CRAMP1: variants seen among roughly 807,000 people sequenced by gnomAD.
CRAMP1 encodes protein cramped-like.
Under a neutral mutation model 115.4 loss-of-function variants are expected in CRAMP1, and 50 were observed. The observed-to-expected ratio is 0.43, with a 90% CI of 0.35 to 0.55. The LOEUF (loss-of-function observed/expected upper bound fraction) is 0.55. CRAMP1 is among the 20% of genes least tolerant of loss of function. CRAMP1 has a pLI of 0.01. For synonymous variants in CRAMP1, 866 were observed against 745.4 expected, an observed-to-expected ratio of 1.16 and a Z score of -2.64; for missense variants, 1,679 against 1,721.7, an observed-to-expected ratio of 0.98 and a Z score of 0.44.
intron 10 of CRAMP1, among the ~76,000 whole-genome samples, chr16:1,659,369 T>C (rs2036803625): frequency 6.6e-6 from 1 of 152,166 alleles, no homozygotes; most frequent in East Asian, 1.9e-4. Flanking sequence ...CAGTGACTTT[T>C]ATTGATTGAT....
rs1238184087 is a variant in CRAMP1, at chr16:1,614,029, G to A, written c.-1-610G>A. 5.3e-5 allele frequency among the ~76,000 whole-genome samples: 8 copies of A among 151,134 alleles called. No homozygotes were observed. Among genetic ancestry groups the A allele is most frequent in the African/African-American group, 1.9e-4 (8 of 41,220 alleles). On this transcript the variant is annotated intron_variant, in intron 1 of 20. Transcript: ENST00000397412. The surrounding 1 kb of genome is among the most constrained non-coding windows in gnomAD (Gnocchi z 4.4). ...GCTTCTCCCGTCCCGGGGTGGATCC[G>A]GCCTCCTCTGTCCTCCTCCAGGGCC...
At position 1,670,479 on chromosome 16, in the gene CRAMP1, C is replaced by G. The variant is rs1418696655; in HGVS notation, c.3500-185C>G. ...GGTGCATGTCTGTATGCACGAAGGC[C>G]TGTTAAACGAGAAGAGCTCGTCACG... On this transcript the variant is annotated intron_variant, in intron 19 of 20. Coordinates refer to ENST00000397412, the MANE Select transcript of CRAMP1 (RefSeq NM_020825.4). The G allele has an allele frequency of 4.7e-6, 3 of 644,304 alleles. No individual in the cohort carries two copies. The East Asian group carries it at 7.7e-5, about 17-fold the overall frequency. The allele number at this position is 644,304 out of a possible 1,614,324, so 39.9% of individuals were successfully genotyped here.
intron 4 of CRAMP1, among the ~76,000 whole-genome samples, chr16:1,636,767 C>T (rs781721604): frequency 2.3e-4 from 35 of 152,364 alleles, no homozygotes; most frequent in African/African-American, 3.4e-4. Flanking sequence ...GTGGCAGAGA[C>T]GCCTAGAGGC....
chr16:1,624,467 G>A (rs2036492105), intron 2 of CRAMP1, among the ~76,000 whole-genome samples: 1 of 151,640 alleles, frequency 6.6e-6, no homozygotes, highest in African/African-American at 2.4e-5. Flanking sequence ...AGGCTGGAGT[G>A]CAGTGGTGCG....
chr16:1,668,605 G>A (rs778616495), intron 18 of CRAMP1, among the ~76,000 whole-genome samples: 4 of 152,216 alleles, frequency 2.6e-5, no homozygotes, highest in African/African-American at 4.8e-5. Flanking sequence ...GTGGTTTGTT[G>A]TTCACTGGCG....
chr16:1,666,255 T>C lies in CRAMP1; in HGVS notation c.2857+78T>C. 1 of 1,237,548 alleles carries C rather than the reference T, an allele frequency of 8.1e-7. No individual in the cohort carries two copies. The allele number at this position is 1,237,548 out of a possible 1,614,324, so 76.7% of individuals were successfully genotyped here. A position where few individuals can be genotyped will look rare whatever the true frequency, so the allele number is the denominator to read the frequency against. On this transcript the variant is annotated intron_variant, in intron 15 of 20. Coordinates refer to ENST00000397412, the MANE Select transcript of CRAMP1 (RefSeq NM_020825.4). The surrounding 1 kb of genome is among the most constrained non-coding windows in gnomAD (Gnocchi z 5.0). ...TTTTGTGACCAGGTTTTTTGAATGTTTTCTTCTCCAAATCATAATGTCTCA... is the reference window on the plus strand; with the variant it reads ...TTTTGTGACCAGGTTTTTTGAATGTCTTCTTCTCCAAATCATAATGTCTCA...
intron 13 of CRAMP1, among the ~76,000 whole-genome samples, chr16:1,664,518 C>T (rs147991121): frequency 6.6e-5 from 10 of 152,254 alleles, no homozygotes; most frequent in African/African-American, 1.9e-4. Flanking sequence ...GTGGCTCGCA[C>T]CTGTAATCCC....
rs181423102 is a variant in CRAMP1, at chr16:1,632,396, G to T, written c.694+31G>T. The T allele has an allele frequency of 3.7e-5, 57 of 1,559,614 alleles. No individual in the cohort carries two copies. In the African/African-American group the frequency reaches 6.7e-4, roughly 18 times the overall value. On this transcript the variant is annotated intron_variant, in intron 4 of 20. Transcript: ENST00000397412. ...TGTGCCACGGGCCAGGCTCGGGGGT[G>T]CCCACAGGCAGGGCCGGCTTCTGCT...
At position 1,659,885 on chromosome 16, in the gene CRAMP1, G is replaced by T. The variant is rs2036811016; in HGVS notation, c.2236-1G>T. ...CATTGTTTGGCCCATTTCTGTCCTA[G>T]GCTCTGGAAGCAAACACCATCTCTA... On this transcript the variant is annotated splice_acceptor_variant, in intron 10 of 20. Transcript: ENST00000397412. LOFTEE classifies it high-confidence loss of function. 1 of 1,613,164 alleles carries T rather than the reference G, an allele frequency of 6.2e-7. No homozygotes were observed. The highest frequency in any genetic ancestry group is 1.3e-5 in the African/African-American group (1 of 74,926).
intron 6 of CRAMP1, among the ~76,000 whole-genome samples, chr16:1,648,331 G>A (rs1045200343): frequency 2.6e-5 from 4 of 152,120 alleles, no homozygotes; most frequent in Admixed American, 6.6e-5. Context: ...GACTTGAGCC[G>A]GGTACAGTGG....
intron 11 of CRAMP1, 102 bp from the exon 12 acceptor site, chr16:1,662,388 C>T (rs1397043981): frequency 5.2e-6 from 5 of 955,536 alleles, no homozygotes; most frequent in African/African-American, 1.6e-5. Context: ...AACGGGTTGC[C>T]AAGAGAATGT....
At chr16:1,639,279 G>A (rs1302240831) in intron 5 of CRAMP1, among the ~76,000 whole-genome samples, 3 of 151,978 alleles carry the variant, frequency 2.0e-5, no homozygotes, top group African/African-American at 7.2e-5. Context: ...CAAAGCAAGG[G>A]AAGAATGAAG....
intron 6 of CRAMP1, among the ~76,000 whole-genome samples, chr16:1,651,145 A>C (rs2036718994): frequency 6.6e-6 from 1 of 152,070 alleles, no homozygotes; most frequent in Non-Finnish European, 1.5e-5. Context: ...TTGAGGTCAC[A>C]GAGGTCACGA....
At chr16:1,657,426 C>T (rs1284030360) in intron 10 of CRAMP1, among the ~76,000 whole-genome samples, 1 of 152,154 alleles carries the variant, frequency 6.6e-6, no homozygotes, top group Admixed American at 6.5e-5. Context: ...TGCACAGGAC[C>T]CAGGGTGACA....
At chr16:1,637,573 G>A (rs556218298) in intron 4 of CRAMP1, among the ~76,000 whole-genome samples, 1 of 152,326 alleles carries the variant, frequency 6.6e-6, no homozygotes, top group East Asian at 1.9e-4. Context: ...CTCCTCCAGG[G>A]GACATTTCCT....
At position 1,614,541 on chromosome 16, in the gene CRAMP1, G is replaced by T; in HGVS notation, c.-1-98G>T. 2.8e-6 allele frequency: 2 copies of T among 715,468 alleles called. No individual in the cohort carries two copies. The highest frequency in any genetic ancestry group is 6.7e-5 in the South Asian group (1 of 14,848). 44.3% of individuals were successfully genotyped at this position (715,468 alleles called of 1,614,324 possible). ...GGGCCGAGCCGCCGAGAGGGGATTT[G>T]GAACAAACAACGGCGGCCATGTTGA... On this transcript the variant is annotated intron_variant, in intron 1 of 20. Transcript: ENST00000397412. This position sits in a 1 kb window ranked among gnomAD's most constrained non-coding sequence, Gnocchi z 4.4.
intron 1 of CRAMP1, among the ~76,000 whole-genome samples, chr16:1,613,919 A>G (rs939649016): frequency 3.9e-5 from 6 of 152,092 alleles, no homozygotes; most frequent in African/African-American, 1.2e-4. Flanking sequence ...GGAGCTGATT[A>G]TTCTTTATGT....
intron 6 of CRAMP1, among the ~76,000 whole-genome samples, chr16:1,648,868 C>G (rs2036698882): frequency 6.6e-6 from 1 of 151,968 alleles, no homozygotes; most frequent in Non-Finnish European, 1.5e-5. Flanking sequence ...ACCATCCTGG[C>G]TAACGTGGTG....
chr16:1,641,098 AC>A (rs771284658), intron 5 of CRAMP1, 40 bp from the exon 6 acceptor site: 1 of 1,437,314 alleles, frequency 7.0e-7, no homozygotes. Flanking sequence ...TTTGCTCCTA[AC>A]TACATTGTGG....
Sources: gnomAD v4.1 joint callset for allele counts (sites outside exome capture counted in the v4.1 genomes callset) on GRCh38, gnomAD v4.1.1 for gene constraint, Gnocchi (gnomAD v3.1) non-coding constraint, MANE v1.5 for transcripts, NCBI Gene and HGNC (gene_info 2026-07-23, HGNC 2026-07-21) for gene names.